The following ALPK1 variants were observed in gnomAD, a reference collection of about 807,000 sequenced individuals.
ALPK1 encodes alpha kinase 1, also known as alpha-protein kinase 1.
ALPK1 carries 110 observed loss-of-function variants against 120.6 expected under a neutral mutation model. The ratio of observed to expected loss-of-function variants is 0.91; its 90% CI spans 0.78 to 1.07. The LOEUF (loss-of-function observed/expected upper bound fraction) is 1.07, where lower values mean the gene tolerates loss of function less well. Ranked by LOEUF, ALPK1 falls within the 50% of genes least tolerant of loss-of-function variation. The pLI is 0.00. For missense variants in ALPK1, 1,498 were observed against 1,483.9 expected (o/e 1.01, Z -0.16); for synonymous variants, 582 against 560.3 (o/e 1.04, Z -0.55).
chr4:112,332,457 A>C (rs539998746), intron 2 of ALPK1, among the ~76,000 whole-genome samples: 1 of 152,198 alleles, frequency 6.6e-6, no homozygotes, highest in Non-Finnish European at 1.5e-5. Context: ...TTAGTCACAT[A>C]TATGTCTTGC....
In ALPK1 at chr4:112,429,213, C is replaced by T. The variant is rs1156683694; in HGVS notation, c.860C>T (p.Ala287Val). 2 of 1,613,260 alleles carry T rather than the reference C, an allele frequency of 1.2e-6. No individual in the cohort carries two copies. Residue 287 changes from alanine to valine, a missense_variant, in exon 10 of 16, where the codon GCC becomes GTC. Transcript: ENST00000650871. ...GCAGAAGCCTGCAAGCTGGCAGCTG[C>T]CTTCAGTGCCTATACGCCGCTCTTC... ...SAAEACKLAA[A>V]FSAYTPLFVL...
intron 2 of ALPK1, among the ~76,000 whole-genome samples, chr4:112,330,751 T>C (rs1729334637): frequency 1.3e-5 from 2 of 152,220 alleles, no homozygotes; most frequent in Non-Finnish European, 2.9e-5. Flanking sequence ...TGCTTTGCTC[T>C]GTTAAGGCCA....
At chr4:112,403,220 T>C (rs1733004429) in intron 4 of ALPK1, among the ~76,000 whole-genome samples, 1 of 147,460 alleles carries the variant, frequency 6.8e-6, no homozygotes, top group Non-Finnish European at 1.5e-5. Flanking sequence ...CTCCCCGGCA[T>C]ACATTTTGGG....
chr4:112,436,592 G>C (rs1479963031), intron 12 of ALPK1, among the ~76,000 whole-genome samples: 1 of 152,210 alleles, frequency 6.6e-6, no homozygotes, highest in Non-Finnish European at 1.5e-5. Flanking sequence ...AAGACGCAGA[G>C]AGAATGCCAT....
intron 4 of ALPK1, among the ~76,000 whole-genome samples, chr4:112,385,881 A>C: frequency 6.6e-6 from 1 of 152,184 alleles, no homozygotes; most frequent in East Asian, 1.9e-4. Flanking sequence ...GTTTATTCAT[A>C]AATATAAACT....
intron 1 of ALPK1, among the ~76,000 whole-genome samples, chr4:112,311,177 A>T (rs1462876719): frequency 1.3e-5 from 2 of 152,184 alleles, no homozygotes; most frequent in Non-Finnish European, 2.9e-5. Context: ...AGGGTGGAGG[A>T]AATTCATGAG....
intron 2 of ALPK1, among the ~76,000 whole-genome samples, chr4:112,319,225 G>T (rs1728762791): frequency 6.6e-6 from 1 of 152,170 alleles, no homozygotes; most frequent in Non-Finnish European, 1.5e-5. Flanking sequence ...GGTGAGGTTG[G>T]CAGCTTTGTT....
chr4:112,406,057 A>G (rs1447789194), intron 4 of ALPK1, among the ~76,000 whole-genome samples: 1 of 152,176 alleles, frequency 6.6e-6, no homozygotes, highest in African/African-American at 2.4e-5. Context: ...AACTCTGTGG[A>G]AAACAGTATG....
At chr4:112,393,051 G>GAAAC (rs1732492892) in intron 4 of ALPK1, among the ~76,000 whole-genome samples, 1 of 152,212 alleles carries the variant, frequency 6.6e-6, no homozygotes, top group African/African-American at 2.4e-5. Flanking sequence ...CCAGATTGAT[G>GAAAC]AAACACCTAA....
At position 112,431,586 on chromosome 4, in the gene ALPK1, C is replaced by T. The variant is rs772178791; in HGVS notation, c.2039C>T (p.Pro680Leu). The T allele has an allele frequency of 6.2e-6, 10 of 1,614,184 alleles. No individual in the cohort carries two copies. The East Asian group carries it at 2.0e-4, about 32-fold the overall frequency. The change falls in exon 11 of 16, where the codon CCA (proline) becomes CTA (leucine). Residue 680 changes from proline to leucine, a missense_variant. Pro to Leu is a moderately conservative substitution (Grantham distance 98). Coordinates refer to ENST00000650871, the MANE Select transcript of ALPK1 (RefSeq NM_025144.4). ...ACACCCTTCTCGCCTCATAATACCC[C>T]AGGCATTTTCTTGGCCCCTGGTGCA... is the stretch of plus-strand genomic sequence containing the variant. ...PLTPFSPHNT[P>L]GIFLAPGAGL...
intron 4 of ALPK1, among the ~76,000 whole-genome samples, chr4:112,410,427 GAATT>G (rs1358770732): frequency 1.3e-5 from 2 of 152,190 alleles, no homozygotes; most frequent in East Asian, 3.8e-4. Flanking sequence ...AGAACTTATT[GAATT>G]AGTGCATATA....
chr4:112,349,119 A>C (rs1730219373), intron 2 of ALPK1, among the ~76,000 whole-genome samples: 1 of 152,110 alleles, frequency 6.6e-6, no homozygotes, highest in Non-Finnish European at 1.5e-5. Flanking sequence ...AAGTCTAATA[A>C]GTGGTCATAA....
At chr4:112,421,798 ATC>A (rs1321300821) in intron 5 of ALPK1, among the ~76,000 whole-genome samples, 1 of 152,104 alleles carries the variant, frequency 6.6e-6, no homozygotes, top group East Asian at 1.9e-4. Context: ...ACTAGCACAA[ATC>A]TCTTTTTCCT....
intron 1 of ALPK1, among the ~76,000 whole-genome samples, chr4:112,301,909 A>T (rs1349679251): frequency 6.6e-6 from 1 of 151,956 alleles, no homozygotes; most frequent in African/African-American, 2.4e-5. Flanking sequence ...TTCACCCCAT[A>T]TCCTCCCATC....
intron 1 of ALPK1, among the ~76,000 whole-genome samples, chr4:112,309,006 A>G (rs951670773): frequency 2.6e-5 from 4 of 152,142 alleles, no homozygotes. Flanking sequence ...AGTTTGCTGG[A>G]GGACCACTCC....
At chr4:112,305,461 T>C (rs1406851715) in intron 1 of ALPK1, among the ~76,000 whole-genome samples, 1 of 152,096 alleles carries the variant, frequency 6.6e-6, no homozygotes. Context: ...GAAGAGGTCC[T>C]TCACATCCCT....
Position 112,431,971 on chromosome 4 carries a change from T to C in ALPK1, c.2424T>C (p.Asn808=). ...APLDFHRVLH[N]SLGNISMLPC... is the part of the protein sequence containing the mutation. ...TAGACTTTCACAGGGTCCTGCACAATTCTCTGGGAAACATTTCCATGCTGC... is the reference window on the plus strand; with the variant it reads ...TAGACTTTCACAGGGTCCTGCACAACTCTCTGGGAAACATTTCCATGCTGC... The change falls in exon 11 of 16, where the codon AAT becomes AAC. Residue 808 remains asparagine, a synonymous_variant. Transcript: ENST00000650871. 2.5e-6 allele frequency: 4 copies of C among 1,614,090 alleles called. No homozygotes were observed. Among genetic ancestry groups the C allele is most frequent in the Non-Finnish European group, 3.4e-6 (4 of 1,180,018 alleles).
rs1730779215 is a variant in ALPK1 at position 112,358,942 on chromosome 4, T to A, written c.-100-18736T>A. ...AAGAAGCACAGCCAGCTCCAGGGCT[T>A]CTACCAGTTTGTGCAGCCCCACCAC... On this transcript the variant is annotated intron_variant, in intron 2 of 15. Transcript: ENST00000650871. 3.9e-6 allele frequency: 3 copies of A among 769,166 alleles called. No individual in the cohort carries two copies. In the Admixed American group the frequency reaches 5.1e-5, roughly 13 times the overall value. 47.6% of individuals were successfully genotyped at this position (769,166 alleles called of 1,614,324 possible).
At chr4:112,352,584 C>G (rs2148711652) in intron 2 of ALPK1, 1 of 152,164 alleles carries the variant, frequency 6.6e-6, no homozygotes, top group Admixed American at 6.5e-5. Context: ...AATGTAAATG[C>G]TATGTAAATA....
Sources: gnomAD v4.1 joint callset for allele counts (sites outside exome capture counted in the v4.1 genomes callset) on GRCh38, gnomAD v4.1.1 for gene constraint, MANE v1.5 for transcripts, NCBI Gene and HGNC (gene_info 2026-07-23, HGNC 2026-07-21) for gene names.